The following FAM81A variants were observed in gnomAD, a reference collection of about 807,000 sequenced individuals.
FAM81A encodes family with sequence similarity 81 member A.
FAM81A carries 19 observed loss-of-function variants against 46.7 expected under a neutral mutation model. That is an observed-to-expected ratio of 0.41 (90% CI 0.28 to 0.60). The LOEUF (loss-of-function observed/expected upper bound fraction) is 0.60. Ranked by LOEUF, FAM81A falls within the 20% of genes least tolerant of loss-of-function variation. The pLI, the probability that FAM81A is intolerant of heterozygous loss-of-function variation, is 0.34. For synonymous variants in FAM81A, 183 were observed against 152.9 expected (o/e 1.20, Z -1.45); for missense variants, 377 against 453.5 (o/e 0.83, Z 1.53).
chr15:59,501,767 G>C (rs956804022), intron 4 of FAM81A, among the ~76,000 whole-genome samples: 12 of 152,104 alleles, frequency 7.9e-5, no homozygotes, highest in Non-Finnish European at 1.8e-4. Context: ...GACCCAAAAA[G>C]GGAAAATTTG....
At chr15:59,435,660 A>G (rs2081240051), upstream of FAM81A, among the ~76,000 whole-genome samples, 1 of 152,220 alleles carries the variant, frequency 6.6e-6, no homozygotes, top group Admixed American at 6.5e-5. Flanking sequence ...GGTGTCTAGC[A>G]TAATATACTG....
chr15:59,403,896 T>C (rs1374163463), intron 2 of FAM81A, among the ~76,000 whole-genome samples: 2 of 151,252 alleles, frequency 1.3e-5, no homozygotes, highest in African/African-American at 4.9e-5. Flanking sequence ...TCTTTTTTTT[T>C]TTTTTGAGAC....
intron 4 of FAM81A, among the ~76,000 whole-genome samples, chr15:59,492,659 A>G (rs2081993746): frequency 2.6e-5 from 4 of 152,184 alleles, no homozygotes; most frequent in Admixed American, 2.6e-4. Flanking sequence ...TTGATAGGGT[A>G]AATACTAAGT....
chr15:59,502,528 T>TGTGTGTGTG (rs1555433583), intron 4 of FAM81A, among the ~76,000 whole-genome samples: 1 of 148,480 alleles, frequency 6.7e-6, no homozygotes, highest in African/African-American at 2.5e-5. Flanking sequence ...TGTGTGTGTG[T>TGTGTGTGTG]TTTGAGACAG....
chr15:59,490,895 T>C (rs2081973409), intron 3 of FAM81A, among the ~76,000 whole-genome samples: 6 of 152,126 alleles, frequency 3.9e-5, no homozygotes, highest in Admixed American at 2.0e-4. Flanking sequence ...ATGGCTTTTA[T>C]CCAAAAGACA....
At chr15:59,412,457 G>A (rs1412380040) in intron 2 of FAM81A, among the ~76,000 whole-genome samples, 1 of 152,154 alleles carries the variant, frequency 6.6e-6, no homozygotes, top group African/African-American at 2.4e-5. Flanking sequence ...CGGGCACAGT[G>A]GCTCATGTCT....
chr15:59,495,272 C>T (rs1311468944), intron 4 of FAM81A, among the ~76,000 whole-genome samples: 2 of 152,156 alleles, frequency 1.3e-5, no homozygotes, highest in Admixed American at 6.6e-5. Context: ...CTGAGCATTT[C>T]GAGTGAATGT....
At chr15:59,467,381 G>A (rs1376355001) in intron 3 of FAM81A, among the ~76,000 whole-genome samples, 1 of 152,036 alleles carries the variant, frequency 6.6e-6, no homozygotes, top group Non-Finnish European at 1.5e-5. Context: ...CTTTCATTTT[G>A]TTGAGCAGTG....
chr15:59,435,847 T>C (rs2141570298), upstream of FAM81A, among the ~76,000 whole-genome samples: 1 of 152,370 alleles, frequency 6.6e-6, no homozygotes, highest in South Asian at 2.1e-4. Flanking sequence ...TGTAATGAGT[T>C]ACAATCAAAG....
chr15:59,499,425 TAATC>T (rs2082067695), intron 4 of FAM81A, among the ~76,000 whole-genome samples: 1 of 152,236 alleles, frequency 6.6e-6, no homozygotes, highest in Admixed American at 6.5e-5. Context: ...ATTGCTTTTT[TAATC>T]AATTATGACA....
At chr15:59,500,759 C>G (rs59525288) in intron 4 of FAM81A, among the ~76,000 whole-genome samples, 4,337 of 151,730 alleles carry the variant, frequency 0.029, 231 homozygotes, top group African/African-American at 0.1. Context: ...GTTCACTAGT[C>G]TTTGTTCTAC....
intron 6 of FAM81A, among the ~76,000 whole-genome samples, chr15:59,512,757 G>A (rs899022796): frequency 6.6e-6 from 1 of 152,168 alleles, no homozygotes; most frequent in African/African-American, 2.4e-5. Context: ...GGCAGCAGTC[G>A]CAACTCAGTG....
intron 2 of FAM81A, among the ~76,000 whole-genome samples, chr15:59,419,877 A>G (rs1203177157): frequency 6.6e-6 from 1 of 152,098 alleles, no homozygotes; most frequent in Non-Finnish European, 1.5e-5. Flanking sequence ...GACTCCATCT[A>G]AAAAACAAAA....
intron 4 of FAM81A, among the ~76,000 whole-genome samples, chr15:59,503,870 G>A (rs575649151): frequency 1.3e-5 from 2 of 152,328 alleles, no homozygotes; most frequent in East Asian, 3.9e-4. Context: ...ACTGTGCCCA[G>A]CCCTAGCCAC....
upstream of FAM81A, among the ~76,000 whole-genome samples, chr15:59,436,806 A>G (rs1317475067): frequency 1.1e-5 from 1 of 91,652 alleles, no homozygotes; most frequent in Non-Finnish European, 2.5e-5. Context: ...AGATGCTGTT[A>G]TACCAGATCT....
intron 3 of FAM81A, among the ~76,000 whole-genome samples, chr15:59,466,376 T>C (rs1353600506): frequency 4.6e-5 from 7 of 152,188 alleles, no homozygotes; most frequent in Admixed American, 4.6e-4. Flanking sequence ...TGTTGTTTCC[T>C]GACTTTTTAA....
In FAM81A at chr15:59,522,371, G is replaced by A. The variant is rs1430761166; in HGVS notation, c.*993G>A. On this transcript the variant is annotated 3_prime_UTR_variant, in exon 9 of 9. Coordinates refer to ENST00000288228, the MANE Select transcript of FAM81A (RefSeq NM_152450.3). ...TATGATAATCCGTCAGAAGTATGAT[G>A]TAAAACTGGAATCCTCTGTATTTTT... 6.6e-6 allele frequency: 1 copy of A among 152,660 alleles called. No individual in the cohort carries two copies. Among genetic ancestry groups the A allele is most frequent in the Non-Finnish European group, 1.5e-5 (1 of 68,040 alleles). The allele number at this position is 152,660 out of a possible 1,614,324, so 9.5% of individuals were successfully genotyped here.
At position 59,460,025 on chromosome 15, in the gene FAM81A, T is replaced by C; in HGVS notation, c.113T>C (p.Leu38Pro). ...SLVEQLEDRI[L>P]CHEKTTAALV... ...GTGGAGCAGCTGGAAGACAGGATCCTCTGCCATGAGAAAACCACCGCCGCC... is the reference window on the plus strand; with the variant it reads ...GTGGAGCAGCTGGAAGACAGGATCCCCTGCCATGAGAAAACCACCGCCGCC... Residue 38 changes from leucine (L) to proline (P), a missense_variant, in exon 3 of 9, where the codon CTC becomes CCC. By Grantham distance (98) the Leu-to-Pro change is moderately conservative. Coordinates refer to ENST00000288228, the MANE Select transcript of FAM81A (RefSeq NM_152450.3). The surrounding 1 kb of genome is among the most constrained non-coding windows in gnomAD (Gnocchi z 4.4). The C allele has an allele frequency of 1.2e-6, 2 of 1,613,926 alleles. No individual in the cohort carries two copies. Among genetic ancestry groups the C allele is most frequent in the Non-Finnish European group, 1.7e-6 (2 of 1,179,854 alleles).
At chr15:59,416,056 C>A (rs1351180348) in intron 2 of FAM81A, among the ~76,000 whole-genome samples, 1 of 152,156 alleles carries the variant, frequency 6.6e-6, no homozygotes, top group Non-Finnish European at 1.5e-5. Flanking sequence ...AAGTTTCAAA[C>A]CACAGAAAAA....
Sources: gnomAD v4.1 joint callset for allele counts (sites outside exome capture counted in the v4.1 genomes callset) on GRCh38, gnomAD v4.1.1 for gene constraint, Gnocchi (gnomAD v3.1) non-coding constraint, MANE v1.5 for transcripts, NCBI Gene and HGNC (gene_info 2026-07-23, HGNC 2026-07-21) for gene names.